PIAS1: variants seen among roughly 807,000 people sequenced by gnomAD.
The protein encoded by PIAS1 is E3 SUMO-protein ligase PIAS1.
PIAS1 carries 6 observed loss-of-function variants against 71.3 expected under a neutral mutation model. The ratio of observed to expected loss-of-function variants is 0.08; its 90% CI spans 0.05 to 0.17. The LOEUF (loss-of-function observed/expected upper bound fraction) is 0.17, where lower values mean the gene tolerates loss of function less well. PIAS1 is among the 10% of genes least tolerant of loss of function. The pLI, the probability that PIAS1 is intolerant of heterozygous loss-of-function variation, is 1.00. For missense variants in PIAS1, 555 were observed against 793.6 expected, an observed-to-expected ratio of 0.70 and a Z score of 3.61; for synonymous variants, 303 against 292.9, an observed-to-expected ratio of 1.03 and a Z score of -0.35.
At chr15:68,066,722 AAT>A (rs1261637192) in intron 1 of PIAS1, among the ~76,000 whole-genome samples, 4 of 152,194 alleles carry the variant, frequency 2.6e-5, no homozygotes, top group Non-Finnish European at 5.9e-5. Flanking sequence ...CTGGAAAAGG[AAT>A]ATTTTTGTCC....
At chr15:68,132,046 A>G (rs966906156) in intron 2 of PIAS1, among the ~76,000 whole-genome samples, 7 of 150,932 alleles carry the variant, frequency 4.6e-5, no homozygotes, top group South Asian at 2.1e-4. Flanking sequence ...AAAAAAAAAA[A>G]AAAAGAAAAG....
intron 2 of PIAS1, among the ~76,000 whole-genome samples, chr15:68,119,043 A>T (rs772524006): frequency 1.3e-5 from 2 of 151,856 alleles, no homozygotes; most frequent in African/African-American, 2.4e-5. Flanking sequence ...TATACATCTG[A>T]TAAGGGGTTA....
Position 68,153,576 on chromosome 15 carries a change from C to A in PIAS1, c.829-14C>A, listed in dbSNP as rs1595771305. 39 of 1,172,848 alleles carry A rather than the reference C, an allele frequency of 3.3e-5. 1 individual carries two copies. The East Asian group carries it at 9.6e-4, about 29-fold the overall frequency. 72.7% of individuals were successfully genotyped at this position (1,172,848 alleles called of 1,614,324 possible). A position where few individuals can be genotyped will look rare whatever the true frequency, so the allele number is the denominator to read the frequency against. On this transcript the variant is annotated splice_polypyrimidine_tract_variant and intron_variant, in intron 6 of 13. Transcript: ENST00000249636. ...TACATATGTTGTTTGTTTTCTACTT[C>A]TTTTTTTTTCCAGAACTATTCCATG...
chr15:68,154,959 C>T (rs535516761), intron 7 of PIAS1, among the ~76,000 whole-genome samples: 3 of 152,242 alleles, frequency 2.0e-5, no homozygotes, highest in South Asian at 2.1e-4. Flanking sequence ...TGAGAATCTT[C>T]GTATTTGCCT....
At chr15:68,065,852 C>A (rs908982951) in intron 1 of PIAS1, among the ~76,000 whole-genome samples, 3 of 144,836 alleles carry the variant, frequency 2.1e-5, no homozygotes, top group Non-Finnish European at 4.5e-5. Flanking sequence ...ATGATCCTTC[C>A]ACCTCAGCCT....
chr15:68,054,374 TC>T lies in PIAS1; in HGVS notation c.24+25del, dbSNP rs942308317. The T allele has an allele frequency of 6.4e-7, 1 of 1,564,104 alleles. No individual in the cohort carries two copies. Among genetic ancestry groups the T allele is most frequent in the African/African-American group, 1.4e-5 (1 of 73,296 alleles). ...AGGTAAAGCGCAGCTCGAATTCACT[TC>T]TAATATTCGGCCGCGGAGACGGCGC... On this transcript the variant is annotated intron_variant, in intron 1 of 13. Transcript: ENST00000249636. This position sits in a 1 kb window ranked among gnomAD's most constrained non-coding sequence, Gnocchi z 4.6.
At chr15:68,058,524 A>T (rs1410567595) in intron 1 of PIAS1, among the ~76,000 whole-genome samples, 1 of 152,190 alleles carries the variant, frequency 6.6e-6, no homozygotes, top group African/African-American at 2.4e-5. Context: ...AAGGTCCTAC[A>T]GCAGACCTGG....
At chr15:68,091,267 G>A (rs1194709313) in intron 2 of PIAS1, among the ~76,000 whole-genome samples, 1 of 151,992 alleles carries the variant, frequency 6.6e-6, no homozygotes, top group Non-Finnish European at 1.5e-5. Context: ...CTTTAATATT[G>A]TTTTGTTTAG....
At chr15:68,162,596 C>A (rs2092931425) in intron 7 of PIAS1, among the ~76,000 whole-genome samples, 1 of 152,164 alleles carries the variant, frequency 6.6e-6, no homozygotes, top group Non-Finnish European at 1.5e-5. Flanking sequence ...AGCTGGAGAA[C>A]CAGCGAAGCC....
At position 68,086,566 on chromosome 15, in the gene PIAS1, A is replaced by T. The variant is rs942113697; in HGVS notation, c.285A>T (p.Pro95=). The change falls in exon 2 of 14, where the codon CCA becomes CCT. Residue 95 remains proline, a synonymous_variant. Coordinates refer to ENST00000249636, the MANE Select transcript of PIAS1 (RefSeq NM_016166.3). This position sits in a 1 kb window ranked among gnomAD's most constrained non-coding sequence, Gnocchi z 7.2. ...MPATLSPSTI[P]QLTYDGHPAS... is the part of the protein sequence containing the mutation. The stretch of plus-strand genomic sequence containing the variant: ...CAACTTTGTCTCCATCTACCATTCC[A>T]CAACTCACTTACGATGGTCACCCTG... 6.2e-7 allele frequency: 1 copy of T among 1,613,890 alleles called. No individual in the cohort carries two copies. Among genetic ancestry groups the T allele is most frequent in the Non-Finnish European group, 8.5e-7 (1 of 1,179,858 alleles).
intron 1 of PIAS1, among the ~76,000 whole-genome samples, chr15:68,076,737 G>T (rs559687591): frequency 2.0e-5 from 3 of 152,092 alleles, no homozygotes; most frequent in South Asian, 2.1e-4. Context: ...ATATGACACG[G>T]AACTGGAAAG....
intron 2 of PIAS1, among the ~76,000 whole-genome samples, chr15:68,115,505 G>A (rs765564287): frequency 2.0e-5 from 3 of 152,028 alleles, no homozygotes; most frequent in Admixed American, 6.6e-5. Flanking sequence ...TGAATAGACA[G>A]TTTTACTCTT....
chr15:68,174,544 T>A lies in PIAS1; in HGVS notation c.1169+652T>A, dbSNP rs985986508. Among the ~76,000 whole-genome samples the A allele has an allele frequency of 6.6e-6, 1 of 152,118 alleles. No individual in the cohort carries two copies. The highest frequency in any genetic ancestry group is 2.4e-5 in the African/African-American group (1 of 41,432). On this transcript the variant is annotated intron_variant, in intron 9 of 13. Transcript: ENST00000249636. The surrounding 1 kb of genome is among the most constrained non-coding windows in gnomAD (Gnocchi z 4.0). ...GACATCTCCTTGATTTTTTTGGGGA[T>A]GGGGGGTTAGAGACAGAGTCTTGCC...
At chr15:68,162,792 T>C (rs2092933220) in intron 7 of PIAS1, among the ~76,000 whole-genome samples, 1 of 152,106 alleles carries the variant, frequency 6.6e-6, no homozygotes, top group African/African-American at 2.4e-5. Context: ...CCCAGACTGG[T>C]CTCAAACTCC....
intron 1 of PIAS1, among the ~76,000 whole-genome samples, chr15:68,078,094 G>C (rs1247636462): frequency 6.6e-6 from 1 of 152,186 alleles, no homozygotes; most frequent in Non-Finnish European, 1.5e-5. Context: ...GGACAGTTAG[G>C]AAAGAATAAT....
At chr15:68,120,723 C>T (rs1052219949) in intron 2 of PIAS1, among the ~76,000 whole-genome samples, 5 of 152,132 alleles carry the variant, frequency 3.3e-5, no homozygotes, top group African/African-American at 9.7e-5. Context: ...GGCGTGATCT[C>T]AGCTCACTGC....
intron 2 of PIAS1, among the ~76,000 whole-genome samples, chr15:68,132,876 A>C (rs183347832): frequency 1.3e-5 from 2 of 152,164 alleles, no homozygotes; most frequent in Non-Finnish European, 2.9e-5. Context: ...GTAAAAATTA[A>C]CTAGAAAACT....
intron 2 of PIAS1, among the ~76,000 whole-genome samples, chr15:68,138,065 G>C (rs1045721924): frequency 1.2e-4 from 19 of 152,172 alleles, no homozygotes; most frequent in African/African-American, 4.3e-4. Context: ...CAGGAGGATT[G>C]CTTGAGCACA....
rs772795429 is a variant in PIAS1, at chr15:68,187,561, T to G, written c.1682T>G (p.Leu561Arg). The G allele has an allele frequency of 6.2e-7, 1 of 1,613,800 alleles. No individual in the cohort carries two copies. The highest frequency in any genetic ancestry group is 1.1e-5 in the South Asian group (1 of 91,080). ...CCCTAGCATTACAACACCTCCTTGC[T>G]TGCCGCTGCAGCAGCAGCAGTTTCA... ...GDNQHYNTSL[L>R]AAAAAAVSDD... Residue 561 changes from leucine to arginine, a missense_variant, in exon 14 of 14, where the codon CTT (leucine) becomes CGT (arginine). Coordinates refer to ENST00000249636, the MANE Select transcript of PIAS1 (RefSeq NM_016166.3). This position sits in a 1 kb window ranked among gnomAD's most constrained non-coding sequence, Gnocchi z 5.3.
Sources: gnomAD v4.1 joint callset for allele counts (sites outside exome capture counted in the v4.1 genomes callset) on GRCh38, gnomAD v4.1.1 for gene constraint, Gnocchi (gnomAD v3.1) non-coding constraint, MANE v1.5 for transcripts, NCBI Gene and HGNC (gene_info 2026-07-23, HGNC 2026-07-21) for gene names.